SHC4: variants seen among roughly 807,000 people sequenced by gnomAD.
SHC4 encodes SHC adaptor protein 4.
SHC4 carries 41 observed loss-of-function variants against 69.4 expected under a neutral mutation model. The observed-to-expected ratio is 0.59, with a 90% confidence interval of 0.46 to 0.77. The LOEUF is 0.77. SHC4 is among the 30% of genes least tolerant of loss of function. SHC4 has a pLI of 0.00. For missense variants in SHC4, 777 were observed against 783.8 expected (o/e 0.99, Z 0.10); for synonymous variants, 318 against 299.3 (o/e 1.06, Z -0.64).
chr15:48,837,688 T>C (rs1898923593), intron 10 of SHC4, among the ~76,000 whole-genome samples: 2 of 152,192 alleles, frequency 1.3e-5, no homozygotes, highest in Admixed American at 1.3e-4. Context: ...AAAAAAGTGA[T>C]AGGACTTATA....
intron 2 of SHC4, among the ~76,000 whole-genome samples, chr15:48,918,352 A>G (rs1035759034): frequency 6.6e-6 from 1 of 152,200 alleles, no homozygotes; most frequent in Non-Finnish European, 1.5e-5. Flanking sequence ...TCATTCAACA[A>G]TGTGTGTTTC....
At chr15:48,938,497 C>T (rs1197912266) in intron 1 of SHC4, 1 of 152,222 alleles carries the variant, frequency 6.6e-6, no homozygotes, top group Non-Finnish European at 1.5e-5. Flanking sequence ...TACCGTTCCA[C>T]AAATATTTCC....
chr15:48,871,918 T>A (rs1470120443), intron 5 of SHC4, 171 bp downstream of exon 5: 1 of 511,840 alleles, frequency 2.0e-6, no homozygotes, highest in Non-Finnish European at 3.5e-6. Context: ...AAGAAAATAT[T>A]TTATTATCTG....
At chr15:48,858,710 T>C (rs1265436964) in intron 6 of SHC4, among the ~76,000 whole-genome samples, 1 of 152,160 alleles carries the variant, frequency 6.6e-6, no homozygotes, top group Non-Finnish European at 1.5e-5. Flanking sequence ...GATGGAAGTT[T>C]CCTAATGGTG....
chr15:48,961,915 A>G (rs1901552069), intron 1 of SHC4, among the ~76,000 whole-genome samples: 1 of 152,156 alleles, frequency 6.6e-6, no homozygotes, highest in South Asian at 2.1e-4. Context: ...AAGGTTAGAG[A>G]CTCGGACGTG....
At position 48,834,831 on chromosome 15, in the gene SHC4, C is replaced by A. The variant is rs778025809; in HGVS notation, c.1675G>T (p.Val559Leu). 2.5e-6 allele frequency: 4 copies of A among 1,614,160 alleles called. No homozygotes were observed. The highest frequency in any genetic ancestry group is 3.4e-6 in the Non-Finnish European group (4 of 1,180,010). ...RESATSPGQYVLSGLQGGQAK... is the reference protein window; with the variant it reads ...RESATSPGQYLLSGLQGGQAK... ...TGGCCTCCCTGTAGTCCACTCAGCA[C>A]ATATTGGCCAGGGGATGTTGCACTC... Residue 559 changes from valine to leucine, a missense_variant, in exon 11 of 12, where the codon GTG becomes TTG. By Grantham distance (32) the Val-to-Leu change is conservative. Coordinates refer to ENST00000332408, the MANE Select transcript of SHC4 (RefSeq NM_203349.4).
At chr15:48,931,286 G>A (rs577810447) in intron 1 of SHC4, among the ~76,000 whole-genome samples, 1 of 152,256 alleles carries the variant, frequency 6.6e-6, no homozygotes, top group South Asian at 2.1e-4. Flanking sequence ...AATAAAATCA[G>A]TCTCTAGCAT....
chr15:48,953,168 A>G (rs1901392737), intron 1 of SHC4, among the ~76,000 whole-genome samples: 1 of 152,246 alleles, frequency 6.6e-6, no homozygotes, highest in East Asian at 1.9e-4. Context: ...ATGCATGAAC[A>G]GAAAACCAAA....
At chr15:48,866,607 A>G (rs1208855235) in intron 6 of SHC4, among the ~76,000 whole-genome samples, 2 of 152,160 alleles carry the variant, frequency 1.3e-5, no homozygotes, top group Non-Finnish European at 2.9e-5. Flanking sequence ...CCATCTGCCC[A>G]TGGGATTAAG....
chr15:48,883,817 A>G (rs1417309216), intron 4 of SHC4, among the ~76,000 whole-genome samples: 1 of 152,164 alleles, frequency 6.6e-6, no homozygotes, highest in Admixed American at 6.5e-5. Context: ...TTCTGCTTAA[A>G]TTTCAGTTCG....
At chr15:48,955,708 T>C (rs985360114) in intron 1 of SHC4, among the ~76,000 whole-genome samples, 2 of 152,236 alleles carry the variant, frequency 1.3e-5, no homozygotes, top group Admixed American at 6.5e-5. Flanking sequence ...AATTTTCCCA[T>C]TAGAAAGAAG....
chr15:48,963,769 C>G lies in SHC4; in HGVS notation c.-754G>C, dbSNP rs1901586490. Among the ~76,000 whole-genome samples, 1 of 152,196 alleles carries G rather than the reference C, an allele frequency of 6.6e-6. No homozygotes were observed. ...CTACCCTCGCTCAGAGCTTCCCTCC[C>G]TCCTGGATTCCTCTCGGAGCTTTTT... is the stretch of plus-strand genomic sequence containing the variant. On this transcript the variant is annotated 5_prime_UTR_variant, in exon 1 of 12. Transcript: ENST00000332408.
intron 10 of SHC4, among the ~76,000 whole-genome samples, chr15:48,838,664 T>C (rs1294706120): frequency 1.3e-5 from 2 of 152,086 alleles, no homozygotes; most frequent in South Asian, 2.1e-4. Flanking sequence ...AATTAGTATA[T>C]AGTAATTAAG....
intron 1 of SHC4, among the ~76,000 whole-genome samples, chr15:48,937,661 C>T (rs1901099224): frequency 1.3e-5 from 2 of 151,956 alleles, no homozygotes; most frequent in African/African-American, 4.8e-5. Context: ...ATCTATCTAT[C>T]CATATCATGA....
intron 6 of SHC4, 43 bp downstream of exon 6, chr15:48,867,775 T>C (rs1273320286): frequency 6.5e-7 from 1 of 1,547,582 alleles, no homozygotes; most frequent in African/African-American, 1.4e-5. Flanking sequence ...TTAGAGTTGG[T>C]ATATACCAGC....
intron 2 of SHC4, among the ~76,000 whole-genome samples, chr15:48,915,355 T>A (rs1900600056): frequency 6.6e-6 from 1 of 152,230 alleles, no homozygotes; most frequent in Admixed American, 6.5e-5. Context: ...TTTTTTTAAA[T>A]GACTAGATCT....
At chr15:48,954,157 T>C (rs1901406852) in intron 1 of SHC4, among the ~76,000 whole-genome samples, 1 of 152,236 alleles carries the variant, frequency 6.6e-6, no homozygotes, top group Admixed American at 6.5e-5. Flanking sequence ...GGAGCTGCCC[T>C]GGGCCTTGCA....
intron 4 of SHC4, chr15:48,877,770 TG>T: frequency 5.2e-6 from 1 of 193,266 alleles, no homozygotes; most frequent in Non-Finnish European, 9.8e-6. Flanking sequence ...TTTGGAGACG[TG>T]GATTTACAAG....
intron 10 of SHC4, among the ~76,000 whole-genome samples, chr15:48,839,218 C>T (rs780815376): frequency 6.6e-6 from 1 of 152,120 alleles, no homozygotes; most frequent in Non-Finnish European, 1.5e-5. Flanking sequence ...TGGAAAACTC[C>T]ACACGGAACT....
Sources: gnomAD v4.1 joint callset for allele counts (sites outside exome capture counted in the v4.1 genomes callset) on GRCh38, gnomAD v4.1.1 for gene constraint, MANE v1.5 for transcripts, NCBI Gene and HGNC (gene_info 2026-07-23, HGNC 2026-07-21) for gene names.